The following CLVS1 variants were observed in gnomAD, a reference collection of about 807,000 sequenced individuals.
CLVS1 encodes the protein clavesin 1.
In CLVS1, 10 loss-of-function variants were observed where a neutral mutation model predicts 33.1. That is an observed-to-expected ratio of 0.30 (90% CI 0.19 to 0.51). The LOEUF (loss-of-function observed/expected upper bound fraction) is 0.51. Ranked by LOEUF, CLVS1 falls within the 20% of genes least tolerant of loss-of-function variation. The probability of loss-of-function intolerance (pLI) is 0.97; values close to 1 mark genes in which losing one functional copy is unlikely to be tolerated. For missense variants in CLVS1, 343 were observed against 433.4 expected, an observed-to-expected ratio of 0.79 and a Z score of 1.85; for synonymous variants, 163 against 166.1, an observed-to-expected ratio of 0.98 and a Z score of 0.14.
At chr8:61,330,227 C>G (rs1811542226) in intron 2 of CLVS1, among the ~76,000 whole-genome samples, 1 of 152,154 alleles carries the variant, frequency 6.6e-6, no homozygotes, top group African/African-American at 2.4e-5. Flanking sequence ...GCTGCTGTTA[C>G]AGTGTCCACG....
At chr8:61,082,666 T>C (rs757207390) in intron 1 of CLVS1, among the ~76,000 whole-genome samples, 22 of 152,218 alleles carry the variant, frequency 1.4e-4, no homozygotes, top group Non-Finnish European at 2.4e-4. Flanking sequence ...AACCCATGTA[T>C]GTGAGAGTGG....
rs139588653 is a variant in CLVS1, at chr8:61,404,065, C to T, written c.630+27286C>T. On this transcript the variant is annotated intron_variant, in intron 3 of 5. Transcript: ENST00000325897. Reference sequence around the variant, plus strand: ...GTGAGTTTGTGAGTGTGAGCAGAACCCTGCCTGGAGTGAGGATTCTTATGG... The same window carrying T: ...GTGAGTTTGTGAGTGTGAGCAGAACTCTGCCTGGAGTGAGGATTCTTATGG... Among the ~76,000 whole-genome samples, 564 of 152,218 alleles carry T rather than the reference C, an allele frequency of 3.7e-3. 3 individuals are homozygous for T. Among genetic ancestry groups the T allele is most frequent in the African/African-American group, 0.011 (475 of 41,528 alleles).
chr8:61,091,147 C>T (rs958753396), intron 1 of CLVS1, among the ~76,000 whole-genome samples: 1 of 152,148 alleles, frequency 6.6e-6, no homozygotes, highest in Admixed American at 6.5e-5. Context: ...ATGGTCCTTA[C>T]AGGAGGGATG....
chr8:61,375,752 A>C (rs1813615374), intron 2 of CLVS1, among the ~76,000 whole-genome samples: 1 of 152,310 alleles, frequency 6.6e-6, no homozygotes, highest in African/African-American at 2.4e-5. Flanking sequence ...TCACCAAAGA[A>C]AAACACTGAA....
chr8:61,313,234 G>C (rs966963521), intron 2 of CLVS1, among the ~76,000 whole-genome samples: 6 of 152,162 alleles, frequency 3.9e-5, no homozygotes, highest in African/African-American at 7.2e-5. Context: ...AGAGTGAGCA[G>C]GTGAAGGGAA....
the CLVS1 span, among the ~76,000 whole-genome samples, chr8:61,035,825 G>A: frequency 6.6e-6 from 1 of 152,074 alleles, no homozygotes; most frequent in African/African-American, 2.4e-5. Context: ...TCTTCAAATT[G>A]CTGTTTCTAA....
chr8:60,979,923 C>G, the CLVS1 span, among the ~76,000 whole-genome samples: 1 of 152,234 alleles, frequency 6.6e-6, no homozygotes, highest in East Asian at 1.9e-4. Flanking sequence ...TAATCACTAT[C>G]AGGTCGAAGT....
intron 2 of CLVS1, among the ~76,000 whole-genome samples, chr8:61,234,824 A>G (rs1808521952): frequency 6.6e-6 from 1 of 152,188 alleles, no homozygotes; most frequent in South Asian, 2.1e-4. Context: ...CACAGGCCTC[A>G]GCATAACTGG....
At chr8:61,113,291 AT>A (rs1805661850) in intron 1 of CLVS1, among the ~76,000 whole-genome samples, 1 of 152,164 alleles carries the variant, frequency 6.6e-6, no homozygotes, top group South Asian at 2.1e-4. Flanking sequence ...AATTGGGTTA[AT>A]GTTGTAAAAG....
At chr8:61,168,290 C>T (rs912416049) in intron 2 of CLVS1, among the ~76,000 whole-genome samples, 22 of 152,194 alleles carry the variant, frequency 1.4e-4, no homozygotes, top group African/African-American at 1.9e-4. Flanking sequence ...TGACTCCTTG[C>T]CCTAGCTTTC....
chr8:61,141,832 C>G (rs1806313465), intron 2 of CLVS1, among the ~76,000 whole-genome samples: 1 of 152,210 alleles, frequency 6.6e-6, no homozygotes, highest in Non-Finnish European at 1.5e-5. Context: ...TGACGTAGTT[C>G]CAGAGTCAGC....
At chr8:61,387,606 G>T (rs1814140501) in intron 3 of CLVS1, among the ~76,000 whole-genome samples, 1 of 151,322 alleles carries the variant, frequency 6.6e-6, no homozygotes, top group Admixed American at 6.6e-5. Flanking sequence ...GTACCCAATG[G>T]GTAGTCTTTT....
chr8:61,377,006 T>C (rs1263488274), intron 3 of CLVS1: 1 of 458,868 alleles, frequency 2.2e-6, no homozygotes. Context: ...GCACAAATTA[T>C]CCTCTGTAGC....
chr8:61,433,994 C>G (rs999715957), intron 3 of CLVS1, among the ~76,000 whole-genome samples: 1 of 150,238 alleles, frequency 6.7e-6, no homozygotes, highest in Admixed American at 6.6e-5. Context: ...CCAGGCAAAG[C>G]GAGAGGCACA....
At chr8:61,411,491 G>A (rs1470975456) in intron 3 of CLVS1, among the ~76,000 whole-genome samples, 1 of 151,996 alleles carries the variant, frequency 6.6e-6, no homozygotes, top group Non-Finnish European at 1.5e-5. Context: ...GAGAGAAGGG[G>A]GATAAGATAG....
chr8:61,202,316 G>A (rs900754603), intron 2 of CLVS1: 16 of 679,224 alleles, frequency 2.4e-5, no homozygotes, highest in Middle Eastern at 4.2e-4. Context: ...ATCTTCGTCC[G>A]CCTTCTCTCC....
chr8:61,226,101 G>T (rs965765003), intron 2 of CLVS1, among the ~76,000 whole-genome samples: 2 of 152,198 alleles, frequency 1.3e-5, no homozygotes, highest in African/African-American at 4.8e-5. Flanking sequence ...AGTTTGAGAT[G>T]CATGGACGAT....
chr8:61,394,231 G>T (rs1336085170), intron 3 of CLVS1, among the ~76,000 whole-genome samples: 8 of 152,138 alleles, frequency 5.3e-5, no homozygotes. Flanking sequence ...CTCCCTCCTT[G>T]CAGCAGGATT....
chr8:61,357,256 C>T (rs1812751465), intron 2 of CLVS1, among the ~76,000 whole-genome samples: 1 of 152,092 alleles, frequency 6.6e-6, no homozygotes, highest in Non-Finnish European at 1.5e-5. Flanking sequence ...AGACATTCTA[C>T]AGGGCACATG....
Sources: gnomAD v4.1 joint callset for allele counts (sites outside exome capture counted in the v4.1 genomes callset) on GRCh38, gnomAD v4.1.1 for gene constraint, MANE v1.5 for transcripts, NCBI Gene and HGNC (gene_info 2026-07-23, HGNC 2026-07-21) for gene names.